Variants in PREX2 observed in about 807,000 individuals in gnomAD.
PREX2 encodes the protein phosphatidylinositol 3,4,5-trisphosphate-dependent Rac exchanger 2 protein.
PREX2 carries 107 observed loss-of-function variants against 203.2 expected under a neutral mutation model. The observed-to-expected ratio is 0.53, with a 90% CI of 0.45 to 0.62. The LOEUF is 0.62. Ranked by LOEUF, PREX2 falls within the 20% of genes least tolerant of loss-of-function variation. The pLI is 0.00. For missense variants in PREX2, 1,777 were observed against 1,955.9 expected (o/e 0.91, Z 1.72); for synonymous variants, 672 against 663.6 (o/e 1.01, Z -0.19).
At chr8:67,972,684 T>C (rs910559255) in intron 1 of PREX2, among the ~76,000 whole-genome samples, 4 of 152,224 alleles carry the variant, frequency 2.6e-5, no homozygotes, top group Non-Finnish European at 5.9e-5. Context: ...GATGAAACTC[T>C]ACAGTTACCC....
rs113352241 is a variant in PREX2, at chr8:68,196,294, C to T, written c.4604+3769C>T. 4.4e-3 allele frequency among the ~76,000 whole-genome samples: 660 copies of T among 149,710 alleles called. 5 individuals are homozygous for T. The highest frequency in any genetic ancestry group is 7.3e-3 in the Non-Finnish European group (495 of 67,454). ...TTTTTGCTTTTTAATCGTATAAATA[C>T]GATTAAAAGGTAGTTAAATATATAG... On this transcript the variant is annotated intron_variant, in intron 37 of 39. Transcript: ENST00000288368.
chr8:68,138,872 T>G lies in PREX2; in HGVS notation c.4087+355T>G, dbSNP rs372991815. ...TCTTGTTTTTTCAAAAGTATGAGTA[T>G]CGTGTGTATTAGGCTAGAAGGTGTA... On this transcript the variant is annotated intron_variant, in intron 33 of 39. Coordinates refer to ENST00000288368, the MANE Select transcript of PREX2 (RefSeq NM_024870.4). Among the ~76,000 whole-genome samples, 4 of 152,150 alleles carry G rather than the reference T, an allele frequency of 2.6e-5. No individual in the cohort carries two copies. The South Asian group carries it at 8.3e-4, about 32-fold the overall frequency.
intron 6 of PREX2, among the ~76,000 whole-genome samples, chr8:68,031,054 G>A (rs942905507): frequency 1.3e-5 from 2 of 152,046 alleles, no homozygotes; most frequent in South Asian, 4.1e-4. Context: ...TCTAAATTAG[G>A]TGTTCACTTA....
intron 8 of PREX2, 110 bp downstream of exon 8, chr8:68,044,700 ATACTTTGTTAGGTAAAGTGGT>A (rs1808298697): frequency 2.6e-6 from 2 of 760,254 alleles, no homozygotes; most frequent in African/African-American, 3.5e-5. Flanking sequence ...GAGCTTAGAA[ATACTTTGTTAGGTAAAGTGGT>A]TGGGTAGAGA....
intron 37 of PREX2, among the ~76,000 whole-genome samples, chr8:68,204,780 G>T (rs1408870696): frequency 6.7e-6 from 1 of 149,522 alleles, no homozygotes. Flanking sequence ...CGTCTCCCGG[G>T]TTTACACCAT....
Position 68,120,938 on chromosome 8 carries a change from G to C in PREX2, c.3613G>C (p.Glu1205Gln), listed in dbSNP as rs1299363328. The C allele has an allele frequency of 8.7e-6, 14 of 1,612,498 alleles. No individual in the cohort carries two copies. Among genetic ancestry groups the C allele is most frequent in the African/African-American group, 1.3e-5 (1 of 74,790 alleles). The change falls in exon 30 of 40, where the codon GAA becomes CAA. Residue 1205 changes from glutamate (E) to glutamine (Q), a missense_variant. Physicochemically the swap from Glu to Gln is conservative, Grantham distance 29. Coordinates refer to ENST00000288368, the MANE Select transcript of PREX2 (RefSeq NM_024870.4). ...RGLQEFQQEM[E>Q]PKLSCPKRLR... ...TTATTTAGAATTTCAACAGGAAATG[G>C]AACCAAAGCTGAGTTGTCCAAAAAG...
chr8:68,004,037 A>G (rs113276727), intron 1 of PREX2, among the ~76,000 whole-genome samples: 17,258 of 151,844 alleles, frequency 0.11, 997 homozygotes, highest in South Asian at 0.16. Flanking sequence ...TGTATTTTTA[A>G]TAGAGACAGG....
At chr8:68,156,533 T>TA (rs1298024645) in intron 34 of PREX2, among the ~76,000 whole-genome samples, 1 of 152,240 alleles carries the variant, frequency 6.6e-6, no homozygotes, top group Non-Finnish European at 1.5e-5. Context: ...TCTCTCTACC[T>TA]TTCATAGTTC....
rs371987261 is a variant in PREX2, at chr8:68,047,506, TAC to T, written c.943+2920_943+2921del. Reference sequence around the variant, plus strand: ...ATATATATATATATATATATATATATACACATACATATATATATATGTATTTT... The same window carrying T: ...ATATATATATATATATATATATATATACATACATATATATATATGTATTTT... On this transcript the variant is annotated intron_variant, in intron 8 of 39. Coordinates refer to ENST00000288368, the MANE Select transcript of PREX2 (RefSeq NM_024870.4). 5.3e-3 allele frequency among the ~76,000 whole-genome samples: 290 copies of T among 54,890 alleles called. 5 individuals are homozygous for T. Among genetic ancestry groups the T allele is most frequent in the African/African-American group, 0.04 (280 of 6,990 alleles). 36.0% of individuals were successfully genotyped at this position (54,890 alleles called of 152,430 possible).
At position 68,069,902 on chromosome 8, in the gene PREX2, G is replaced by GT. The variant is rs758980026; in HGVS notation, c.1493+20dup. 1 of 1,449,204 alleles carries GT rather than the reference G, an allele frequency of 6.9e-7. No individual in the cohort carries two copies. Among genetic ancestry groups the GT allele is most frequent in the South Asian group, 1.2e-5 (1 of 80,038 alleles). The allele number at this position is 1,449,204 out of a possible 1,614,324, so 89.8% of individuals were successfully genotyped here. On this transcript the variant is annotated intron_variant, in intron 13 of 39. Transcript: ENST00000288368. ...GTGATAAGGTGAGTCTGGTTTTTAA[G>GT]TTCTGGGAAACTTAAATGGAAATAT...
At chr8:68,185,448 G>A (rs574831765) in intron 35 of PREX2, among the ~76,000 whole-genome samples, 1 of 152,240 alleles carries the variant, frequency 6.6e-6, no homozygotes, top group East Asian at 1.9e-4. Flanking sequence ...TGACCTGTCA[G>A]AATTCTACCC....
chr8:68,060,139 G>A (rs1808804257), intron 10 of PREX2, among the ~76,000 whole-genome samples: 1 of 152,152 alleles, frequency 6.6e-6, no homozygotes. Flanking sequence ...TGTGGTGGGA[G>A]GGCAGTGAGA....
At position 68,231,407 on chromosome 8, in the gene PREX2, G is replaced by GAA; in HGVS notation, c.*30_*31dup. ...GAACTCCCAAGAAACCAGGCAGGCA[G>GAA]AAGCTCCTGAATGCTGGACTAGACA... is the stretch of plus-strand genomic sequence containing the variant. On this transcript the variant is annotated 3_prime_UTR_variant, in exon 40 of 40. Transcript: ENST00000288368. 1 of 1,591,938 alleles carries GAA rather than the reference G, an allele frequency of 6.3e-7. No homozygotes were observed. The highest frequency in any genetic ancestry group is 8.6e-7 in the Non-Finnish European group (1 of 1,168,834).
At chr8:68,103,591 T>C (rs753836420) in intron 23 of PREX2, 7 of 518,986 alleles carry the variant, frequency 1.3e-5, no homozygotes, top group African/African-American at 1.3e-4. Context: ...CTATACCTGC[T>C]TTCTCACCTT....
At chr8:67,988,478 G>A (rs577838628) in intron 1 of PREX2, among the ~76,000 whole-genome samples, 3 of 152,286 alleles carry the variant, frequency 2.0e-5, no homozygotes, top group East Asian at 3.9e-4. Flanking sequence ...GGGAAGCCAG[G>A]CATCCACCGA....
chr8:68,070,783 G>A (rs1175095880), intron 13 of PREX2, among the ~76,000 whole-genome samples: 1 of 152,104 alleles, frequency 6.6e-6, no homozygotes, highest in Admixed American at 6.6e-5. Flanking sequence ...AAAGATTGCA[G>A]ATATTGCTAA....
chr8:68,109,979 T>C (rs7844442), intron 25 of PREX2, among the ~76,000 whole-genome samples: 3,526 of 152,272 alleles, frequency 0.023, 115 homozygotes, highest in African/African-American at 0.072. Context: ...GTGCAAATTT[T>C]GGTGAATATG....
chr8:68,076,852 T>G (rs938708233), intron 14 of PREX2, among the ~76,000 whole-genome samples: 1 of 152,236 alleles, frequency 6.6e-6, no homozygotes, highest in East Asian at 1.9e-4. Flanking sequence ...ATTTTTTTTT[T>G]TGGCAAAATA....
chr8:68,196,685 G>T (rs1302625735), intron 37 of PREX2, among the ~76,000 whole-genome samples: 2 of 151,186 alleles, frequency 1.3e-5, no homozygotes, highest in Non-Finnish European at 2.9e-5. Flanking sequence ...ACCATCCCCA[G>T]TTTTCATGAG....
Sources: allele counts gnomAD v4.1 joint callset (sites outside exome capture counted in the v4.1 genomes callset), GRCh38; gene constraint gnomAD v4.1.1; transcripts MANE v1.5; gene names NCBI Gene and HGNC (gene_info 2026-07-23, HGNC 2026-07-21).